The following APBA1 variants were observed in gnomAD, a reference collection of about 807,000 sequenced individuals.
APBA1 encodes the protein amyloid beta precursor protein binding family A member 1.
A neutral mutation model predicts 86.6 loss-of-function variants in APBA1; 55 were observed. The ratio of observed to expected loss-of-function variants is 0.64; its 90% CI spans 0.51 to 0.80. The LOEUF (loss-of-function observed/expected upper bound fraction) is 0.80. Among genes scored for constraint, APBA1 ranks in the 30% least tolerant of loss-of-function variants. The pLI, the probability that APBA1 is intolerant of heterozygous loss-of-function variation, is 0.00. For synonymous variants in APBA1, 511 were observed against 493.9 expected (o/e 1.03, Z -0.46); for missense variants, 1,090 against 1,183.0 (o/e 0.92, Z 1.15).
chr9:69,503,535 T>A (rs948881028), intron 2 of APBA1, among the ~76,000 whole-genome samples: 4 of 152,160 alleles, frequency 2.6e-5, no homozygotes, highest in African/African-American at 9.7e-5. Flanking sequence ...TCAGTGCTTG[T>A]GTTCTGAAGA....
chr9:69,644,203 CT>C (rs1384879854), intron 1 of APBA1, among the ~76,000 whole-genome samples: 1 of 152,212 alleles, frequency 6.6e-6, no homozygotes, highest in Non-Finnish European at 1.5e-5. Flanking sequence ...ATAAGAACTG[CT>C]ATCTTCTCTA....
Position 69,654,494 on chromosome 9 carries a change from G to GA in APBA1, c.-70+17658dup, listed in dbSNP as rs1823569949. On this transcript the variant is annotated intron_variant, in intron 1 of 12. Coordinates refer to ENST00000265381, the MANE Select transcript of APBA1 (RefSeq NM_001163.4). Reference sequence around the variant, plus strand: ...AGACCCTGTCTCAAAAGAAAGCAAAGAAAGAAAAGAAAAGAATAGAAAACC... The same window carrying GA: ...AGACCCTGTCTCAAAAGAAAGCAAAGAAAAGAAAAGAAAAGAATAGAAAACC... 3.3e-5 allele frequency among the ~76,000 whole-genome samples: 5 copies of GA among 152,010 alleles called. 1 individual carries two copies. The South Asian group carries it at 1.0e-3, about 32-fold the overall frequency.
Position 69,435,106 on chromosome 9 carries a change from C to T in APBA1, c.2302-2430G>A, listed in dbSNP as rs143362546. Among the ~76,000 whole-genome samples, 168 of 152,024 alleles carry T rather than the reference C, an allele frequency of 1.1e-3. 3 individuals carry two copies. In the East Asian group the frequency reaches 0.031, roughly 28 times the overall value. On this transcript the variant is annotated intron_variant, in intron 11 of 12. Transcript: ENST00000265381. ...GATGGTTTCTAGCTTCATCCATGTCCCTACAAAGGACATGAACTCATCCTT... is the reference window on the plus strand; with the variant it reads ...GATGGTTTCTAGCTTCATCCATGTCTCTACAAAGGACATGAACTCATCCTT...
intron 1 of APBA1, among the ~76,000 whole-genome samples, chr9:69,629,457 C>T (rs1485229159): frequency 6.6e-6 from 1 of 152,158 alleles, no homozygotes; most frequent in Non-Finnish European, 1.5e-5. Context: ...GAAGTAAAAA[C>T]AGGCATAATA....
At chr9:69,451,181 T>C (rs774035455) in intron 9 of APBA1, among the ~76,000 whole-genome samples, 6 of 152,328 alleles carry the variant, frequency 3.9e-5, no homozygotes, top group Middle Eastern at 3.4e-3. Flanking sequence ...ATATGTGCCA[T>C]GGAGCTTCCC....
At chr9:69,482,664 A>G (rs1423766590) in intron 2 of APBA1, among the ~76,000 whole-genome samples, 1 of 151,818 alleles carries the variant, frequency 6.6e-6, no homozygotes, top group Non-Finnish European at 1.5e-5. Flanking sequence ...CTATAAAGAC[A>G]CATGCACACG....
At chr9:69,646,991 C>T (rs1193919691) in intron 1 of APBA1, among the ~76,000 whole-genome samples, 1 of 152,162 alleles carries the variant, frequency 6.6e-6, no homozygotes, top group Non-Finnish European at 1.5e-5. Flanking sequence ...GGGGAGAAAA[C>T]GCTCAAGCCC....
intron 11 of APBA1, among the ~76,000 whole-genome samples, chr9:69,440,194 C>G (rs1354343156): frequency 2.6e-5 from 4 of 152,206 alleles, no homozygotes; most frequent in Non-Finnish European, 5.9e-5. Flanking sequence ...TCTGCTCCTA[C>G]TGGGGGGTGC....
intron 1 of APBA1, among the ~76,000 whole-genome samples, chr9:69,522,068 T>TAAACAC (rs1554696804): frequency 1.3e-5 from 2 of 149,444 alleles, no homozygotes; most frequent in Non-Finnish European, 3.0e-5. Context: ...CACCATTTTA[T>TAAACAC]ACACACACAC....
At chr9:69,467,736 T>G (rs188113637) in intron 5 of APBA1, 87 bp downstream of exon 5, 3 of 1,530,028 alleles carry the variant, frequency 2.0e-6, no homozygotes, top group Non-Finnish European at 1.8e-6. Context: ...TCCTCTAAAC[T>G]ATATGTGGAG....
chr9:69,670,147 C>A (rs1034969856), intron 1 of APBA1, among the ~76,000 whole-genome samples: 2 of 152,004 alleles, frequency 1.3e-5, no homozygotes, highest in Admixed American at 1.3e-4. Flanking sequence ...TCTTAGAAGG[C>A]TTGACTTGAA....
chr9:69,644,929 G>A (rs1031712250), intron 1 of APBA1, among the ~76,000 whole-genome samples: 47 of 152,212 alleles, frequency 3.1e-4, no homozygotes, highest in African/African-American at 1.1e-3. Context: ...GCCTAGATAG[G>A]GCTCTGGAAA....
At chr9:69,470,126 AG>A (rs1410043027) in intron 4 of APBA1, among the ~76,000 whole-genome samples, 8 of 152,202 alleles carry the variant, frequency 5.3e-5, no homozygotes, top group Non-Finnish European at 1.2e-4. Flanking sequence ...ACACCTTTTG[AG>A]ATATGGTCTT....
rs7858837 is a variant in APBA1, at chr9:69,489,958, T to A, written c.1201-13815A>T. ...TAGAACTAGAAATACCATTTGATCC[T>A]GCCATCCCATTACTGGGTATATACC... On this transcript the variant is annotated intron_variant, in intron 2 of 12. Transcript: ENST00000265381. Among the ~76,000 whole-genome samples, 6 of 151,960 alleles carry A rather than the reference T, an allele frequency of 3.9e-5. No individual in the cohort carries two copies. In the South Asian group the frequency reaches 6.2e-4, roughly 16 times the overall value.
At chr9:69,636,395 G>C (rs1383410298) in intron 1 of APBA1, among the ~76,000 whole-genome samples, 1 of 152,094 alleles carries the variant, frequency 6.6e-6, no homozygotes, top group Non-Finnish European at 1.5e-5. Flanking sequence ...TCCACTGCTA[G>C]GTATATACTC....
upstream of APBA1, among the ~76,000 whole-genome samples, chr9:69,672,516 C>T (rs1232741967): frequency 6.8e-6 from 1 of 147,132 alleles, no homozygotes; most frequent in Non-Finnish European, 1.5e-5. Context: ...GCGCCCCTGC[C>T]TCCCTCGCCC....
chr9:69,517,059 TGGC>T lies in APBA1; in HGVS notation c.149_151del (p.Arg50del), dbSNP rs772010081. Reference sequence around the variant, plus strand: ...GTCCTCGAGGGCTCGCCCGCGCTGGTGGCGGCCCACATAGTGCTGCTGCTGCGG... The same window carrying T: ...GTCCTCGAGGGCTCGCCCGCGCTGGTGGCCCACATAGTGCTGCTGCTGCGG... On this transcript the variant is annotated inframe_deletion, in exon 2 of 13. Coordinates refer to ENST00000265381, the MANE Select transcript of APBA1 (RefSeq NM_001163.4). 14 of 1,584,134 alleles carry T rather than the reference TGGC, an allele frequency of 8.8e-6. No homozygotes were observed. Among genetic ancestry groups the T allele is most frequent in the Non-Finnish European group, 1.2e-5 (14 of 1,171,334 alleles).
chr9:69,471,871 A>G (rs889037461), intron 3 of APBA1, among the ~76,000 whole-genome samples, 176 bp from the exon 4 acceptor site: 1 of 152,254 alleles, frequency 6.6e-6, no homozygotes, highest in Admixed American at 6.5e-5. Context: ...AGTAAAGGTT[A>G]CCTAAAACCC....
Position 69,430,211 on chromosome 9 carries a change from C to T in APBA1, c.*1116G>A, listed in dbSNP as rs1834565285. 6.6e-6 allele frequency: 1 copy of T among 152,284 alleles called. No individual in the cohort carries two copies. The highest frequency in any genetic ancestry group is 2.1e-4 in the South Asian group (1 of 4,830). The allele number at this position is 152,284 out of a possible 1,614,324, so 9.4% of individuals were successfully genotyped here. A position where few individuals can be genotyped will look rare whatever the true frequency, so the allele number is the denominator to read the frequency against. On this transcript the variant is annotated 3_prime_UTR_variant, in exon 13 of 13. Coordinates refer to ENST00000265381, the MANE Select transcript of APBA1 (RefSeq NM_001163.4). ...GCCCTGAGCAGAGAAGAAAGTTGGT[C>T]TTGCCTTGGGCCAGAAAACAAGACG...
Sources: allele counts gnomAD v4.1 joint callset (sites outside exome capture counted in the v4.1 genomes callset), GRCh38; gene constraint gnomAD v4.1.1; transcripts MANE v1.5; gene names NCBI Gene and HGNC (gene_info 2026-07-23, HGNC 2026-07-21).